Variants in HNRNPM observed in about 807,000 individuals in gnomAD.
HNRNPM encodes the protein CEA receptor.
Under a neutral mutation model 73.1 loss-of-function variants are expected in HNRNPM, and 11 were observed. The ratio of observed to expected loss-of-function variants is 0.15; its 90% CI spans 0.09 to 0.25. HNRNPM has a LOEUF of 0.25. Ranked by LOEUF, HNRNPM falls within the 10% of genes least tolerant of loss-of-function variation. The probability of loss-of-function intolerance (pLI) is 1.00; values close to 1 mark genes in which losing one functional copy is unlikely to be tolerated. For synonymous variants in HNRNPM, 407 were observed against 355.2 expected, an observed-to-expected ratio of 1.15 and a Z score of -1.64; for missense variants, 789 against 1,067.9, an observed-to-expected ratio of 0.74 and a Z score of 3.64.
intron 12 of HNRNPM, among the ~76,000 whole-genome samples, chr19:8,476,368 T>A (rs1970505054): frequency 6.6e-6 from 1 of 152,120 alleles, no homozygotes; most frequent in Non-Finnish European, 1.5e-5. Context: ...TAATGAAATG[T>A]TAATTCATGA....
At chr19:8,463,833 C>G (rs1005793539) in intron 5 of HNRNPM, 147 bp downstream of exon 5, 18 of 608,524 alleles carry the variant, frequency 3.0e-5, no homozygotes, top group Non-Finnish European at 5.2e-5. Context: ...CGGTCATAGC[C>G]TACAGCAGCC....
At chr19:8,457,936 C>T (rs1031030427) in intron 2 of HNRNPM, among the ~76,000 whole-genome samples, 1 of 152,174 alleles carries the variant, frequency 6.6e-6, no homozygotes, top group African/African-American at 2.4e-5. Context: ...CTGTTGTAAC[C>T]TAAGCACTCT....
intron 10 of HNRNPM, 33 bp from the exon 11 acceptor site, chr19:8,473,628 CATA>C: frequency 7.4e-7 from 1 of 1,360,234 alleles, no homozygotes; most frequent in Non-Finnish European, 1.0e-6. Context: ...ACTGCTTTGA[CATA>C]ATTTTAGTTT....
At position 8,462,628 on chromosome 19, in the gene HNRNPM, T is replaced by C; in HGVS notation, c.336+47T>C. On this transcript the variant is annotated intron_variant, in intron 3 of 15. Transcript: ENST00000325495. This position sits in a 1 kb window ranked among gnomAD's most constrained non-coding sequence, Gnocchi z 4.5. ...TTCTGTGGATTTACTACATGAAAAA[T>C]GTAACTGTATGGTGGCGTGGAATCG... The C allele has an allele frequency of 7.1e-7, 1 of 1,413,306 alleles. No individual in the cohort carries two copies. The highest frequency in any genetic ancestry group is 1.0e-6 in the Non-Finnish European group (1 of 996,722). The allele number at this position is 1,413,306 out of a possible 1,614,324, so 87.5% of individuals were successfully genotyped here.
At chr19:8,448,763 G>C (rs1463595224) in intron 1 of HNRNPM, among the ~76,000 whole-genome samples, 1 of 151,072 alleles carries the variant, frequency 6.6e-6, no homozygotes, top group African/African-American at 2.4e-5. Context: ...GATTATAGGC[G>C]TGAGCTACCA....
At chr19:8,455,751 TTTTTGTTTTG>T (rs1014410301) in intron 2 of HNRNPM, among the ~76,000 whole-genome samples, 177 bp downstream of exon 2, 4 of 150,010 alleles carry the variant, frequency 2.7e-5, no homozygotes, top group Non-Finnish European at 5.9e-5. Flanking sequence ...TTGTGTTTTT[TTTTTGTTTTG>T]TTTTGTTTTG....
In HNRNPM at chr19:8,477,049, A is replaced by G. The variant is rs140318802; in HGVS notation, c.1120+2805A>G. On this transcript the variant is annotated intron_variant, in intron 12 of 15. Transcript: ENST00000325495. ...ATGTGCTGCTGCTGCCACATCTCTA[A>G]TGGAATTGCTTATTTTATTGAAAGA... 5.7e-3 allele frequency among the ~76,000 whole-genome samples: 870 copies of G among 152,220 alleles called. 4 individuals are homozygous for G. The highest frequency in any genetic ancestry group is 0.014 in the Middle Eastern group (4 of 294).
chr19:8,488,963 T>G lies in HNRNPM; in HGVS notation c.*109T>G, dbSNP rs1466741518. 9.7e-7 allele frequency: 1 copy of G among 1,030,040 alleles called. No individual in the cohort carries two copies. The highest frequency in any genetic ancestry group is 1.4e-6 in the Non-Finnish European group (1 of 712,650). The allele number at this position is 1,030,040 out of a possible 1,614,324, so 63.8% of individuals were successfully genotyped here. A position where few individuals can be genotyped will look rare whatever the true frequency, so the allele number is the denominator to read the frequency against. On this transcript the variant is annotated 3_prime_UTR_variant, in exon 16 of 16. Transcript: ENST00000325495. ...TATAAAGATGTTTAAAAAATTCAGT[T>G]GCTTTTTGGGGTAATTTGAATTACT...
At chr19:8,463,912 C>T (rs571776245) in intron 5 of HNRNPM, 6 of 509,938 alleles carry the variant, frequency 1.2e-5, no homozygotes, top group Admixed American at 6.7e-5. Flanking sequence ...CTTCTAATAT[C>T]TGTGATTTGT....
intron 12 of HNRNPM, among the ~76,000 whole-genome samples, chr19:8,479,286 G>T (rs1225015213): frequency 6.6e-6 from 1 of 151,672 alleles, no homozygotes; most frequent in Non-Finnish European, 1.5e-5. Context: ...CACTGTGTTG[G>T]CCAGGCTGGT....
chr19:8,446,416 AT>A (rs1269833508), intron 1 of HNRNPM, among the ~76,000 whole-genome samples: 1 of 152,018 alleles, frequency 6.6e-6, no homozygotes, highest in Non-Finnish European at 1.5e-5. Flanking sequence ...TATATATTTA[AT>A]TTTTTTCTTT....
chr19:8,463,853 A>G, intron 5 of HNRNPM, 167 bp downstream of exon 5: 1 of 587,166 alleles, frequency 1.7e-6, no homozygotes, highest in South Asian at 2.0e-5. Flanking sequence ...CATTCCCTGC[A>G]AGGACTTTGG....
intron 12 of HNRNPM, among the ~76,000 whole-genome samples, 166 bp downstream of exon 12, chr19:8,474,410 ATAG>A (rs912960089): frequency 1.3e-5 from 2 of 152,214 alleles, no homozygotes; most frequent in South Asian, 2.1e-4. Context: ...ACTAGACATA[ATAG>A]TAGACTTACT....
At chr19:8,456,432 G>A (rs150295721) in intron 2 of HNRNPM, among the ~76,000 whole-genome samples, 2 of 152,216 alleles carry the variant, frequency 1.3e-5, no homozygotes, top group South Asian at 2.1e-4. Flanking sequence ...AGACAACACC[G>A]TGGTAGAGAA....
At chr19:8,475,515 C>A (rs76560635) in intron 12 of HNRNPM, among the ~76,000 whole-genome samples, 6,192 of 152,238 alleles carry the variant, frequency 0.041, 279 homozygotes, top group African/African-American at 0.11. Context: ...CATTGTCAGG[C>A]TTGAAAGGCG....
intron 2 of HNRNPM, among the ~76,000 whole-genome samples, chr19:8,461,623 CTT>C (rs1969404125): frequency 6.6e-6 from 1 of 152,166 alleles, no homozygotes; most frequent in Admixed American, 6.5e-5. Context: ...TCTGCAGAAA[CTT>C]TTGAAATGCT....
chr19:8,473,593 T>G (rs988666804), intron 10 of HNRNPM, 71 bp from the exon 11 acceptor site: 6 of 919,028 alleles, frequency 6.5e-6, no homozygotes, highest in Middle Eastern at 2.3e-4. Context: ...TTTGGAATTA[T>G]GCTTTTTAAG....
intron 1 of HNRNPM, among the ~76,000 whole-genome samples, chr19:8,454,242 C>G (rs1343909054): frequency 6.6e-6 from 1 of 152,144 alleles, no homozygotes; most frequent in Admixed American, 6.5e-5. Context: ...CCATTTCTAC[C>G]TCCCCCTAGG....
At chr19:8,465,846 T>A (rs1479212631) in intron 6 of HNRNPM, among the ~76,000 whole-genome samples, 1 of 152,100 alleles carries the variant, frequency 6.6e-6, no homozygotes, top group Non-Finnish European at 1.5e-5. Context: ...ACCTTCCTCT[T>A]GTTGTGTCTG....
Sources: allele counts gnomAD v4.1 joint callset (sites outside exome capture counted in the v4.1 genomes callset), GRCh38; gene constraint gnomAD v4.1.1; non-coding constraint Gnocchi (gnomAD v3.1); transcripts MANE v1.5; gene names NCBI Gene and HGNC (gene_info 2026-07-23, HGNC 2026-07-21).